Variants in STAC observed in about 807,000 individuals in gnomAD.
STAC encodes the protein SH3 and cysteine rich domain.
A neutral mutation model predicts 48.8 loss-of-function variants in STAC; 43 were observed. That is an observed-to-expected ratio of 0.88 (90% CI 0.69 to 1.14). The LOEUF (loss-of-function observed/expected upper bound fraction) is 1.14, where lower values mean the gene tolerates loss of function less well. Ranked by LOEUF, STAC falls within the 50% of genes most tolerant of loss-of-function variation. The pLI is 0.00. For synonymous variants in STAC, 193 were observed against 179.5 expected (o/e 1.07, Z -0.60); for missense variants, 497 against 504.0 (o/e 0.99, Z 0.13).
At chr3:36,544,479 C>G (rs1699400338) in intron 10 of STAC, among the ~76,000 whole-genome samples, 1 of 151,648 alleles carries the variant, frequency 6.6e-6, no homozygotes, top group East Asian at 1.9e-4. Context: ...CAGGTGTCTG[C>G]ATTTATTTAT....
intron 2 of STAC, among the ~76,000 whole-genome samples, chr3:36,463,315 C>A (rs567905397): frequency 6.6e-6 from 1 of 151,982 alleles, no homozygotes. Flanking sequence ...TTAATTTCAT[C>A]CTCAGTCATT....
chr3:36,499,612 A>G (rs1698233646), intron 6 of STAC, among the ~76,000 whole-genome samples: 1 of 152,116 alleles, frequency 6.6e-6, no homozygotes, highest in Admixed American at 6.5e-5. Flanking sequence ...GTTAGGAAGG[A>G]ATCCCAATTT....
At chr3:36,422,682 A>C (rs1700476348) in intron 1 of STAC, among the ~76,000 whole-genome samples, 1 of 152,186 alleles carries the variant, frequency 6.6e-6, no homozygotes, top group African/African-American at 2.4e-5. Flanking sequence ...TTATAAACAT[A>C]TAAAAACATA....
Position 36,381,777 on chromosome 3 carries a change from G to A in STAC, c.111+1023G>A, listed in dbSNP as rs374138443. 2.6e-5 allele frequency among the ~76,000 whole-genome samples: 4 copies of A among 152,326 alleles called. No individual in the cohort carries two copies. In the South Asian group the frequency reaches 6.2e-4, roughly 24 times the overall value. ...AAATCACAGCCTGAGTGGCTCTGGG[G>A]ATTTGGTGTGATACTGGGCACTGTA... On this transcript the variant is annotated intron_variant, in intron 1 of 10. Transcript: ENST00000273183.
At chr3:36,436,588 C>T (rs959099664) in intron 1 of STAC, among the ~76,000 whole-genome samples, 3 of 152,224 alleles carry the variant, frequency 2.0e-5, no homozygotes, top group Admixed American at 6.5e-5. Context: ...CTCAAACACT[C>T]ACTGCTTACT....
At chr3:36,531,173 G>T (rs904541628) in intron 10 of STAC, among the ~76,000 whole-genome samples, 1 of 152,108 alleles carries the variant, frequency 6.6e-6, no homozygotes, top group African/African-American at 2.4e-5. Context: ...TTGGTACCAC[G>T]TATTTAGAGC....
At chr3:36,539,193 T>C (rs1699266343) in intron 10 of STAC, among the ~76,000 whole-genome samples, 3 of 152,162 alleles carry the variant, frequency 2.0e-5, no homozygotes, top group Non-Finnish European at 4.4e-5. Flanking sequence ...ACAGAATATT[T>C]TCTTTTCTTT....
At chr3:36,532,267 T>C (rs1699089893) in intron 10 of STAC, among the ~76,000 whole-genome samples, 2 of 152,356 alleles carry the variant, frequency 1.3e-5, no homozygotes, top group South Asian at 4.1e-4. Flanking sequence ...CTGGGCTCTA[T>C]GGTTTCACCC....
At chr3:36,484,700 C>T (rs553685418) in intron 3 of STAC, among the ~76,000 whole-genome samples, 1 of 152,306 alleles carries the variant, frequency 6.6e-6, no homozygotes, top group South Asian at 2.1e-4. Flanking sequence ...GCAAAGGAGG[C>T]TGCAGTGCAC....
chr3:36,430,340 CTA>C (rs896161232), intron 1 of STAC, among the ~76,000 whole-genome samples: 10 of 152,234 alleles, frequency 6.6e-5, no homozygotes, highest in African/African-American at 2.4e-4. Flanking sequence ...ATATTGAGCT[CTA>C]TGTGGAGAAG....
At chr3:36,487,785 T>C (rs1282134229) in intron 5 of STAC, among the ~76,000 whole-genome samples, 2 of 152,186 alleles carry the variant, frequency 1.3e-5, no homozygotes, top group Non-Finnish European at 2.9e-5. Context: ...ATGAAAAATG[T>C]TTCACTTCGG....
At chr3:36,479,304 T>C (rs377550700) in intron 2 of STAC, among the ~76,000 whole-genome samples, 123 of 151,620 alleles carry the variant, frequency 8.1e-4, no homozygotes, top group African/African-American at 2.9e-3. Flanking sequence ...AAATTTCATC[T>C]TCTTCTAGTT....
intron 6 of STAC, among the ~76,000 whole-genome samples, chr3:36,497,853 T>C (rs192243055): frequency 7.9e-5 from 12 of 152,128 alleles, no homozygotes; most frequent in Admixed American, 7.9e-4. Flanking sequence ...GCAAATAATA[T>C]AATAATATGA....
At chr3:36,437,284 C>G (rs1326382445) in intron 1 of STAC, among the ~76,000 whole-genome samples, 1 of 150,670 alleles carries the variant, frequency 6.6e-6, no homozygotes, top group Non-Finnish European at 1.5e-5. Context: ...GGGTATATAC[C>G]CAAAGGATTA....
chr3:36,448,349 G>T (rs1010218887), intron 2 of STAC, among the ~76,000 whole-genome samples: 1 of 151,834 alleles, frequency 6.6e-6, no homozygotes, highest in Non-Finnish European at 1.5e-5. Context: ...AGCCTCCCAA[G>T]TAGCTGGGAT....
intron 1 of STAC, among the ~76,000 whole-genome samples, chr3:36,433,532 G>A (rs1288073385): frequency 2.0e-5 from 3 of 152,176 alleles, no homozygotes; most frequent in Non-Finnish European, 2.9e-5. Context: ...ACATATTAGA[G>A]TAGGCAGTGA....
chr3:36,473,839 A>G (rs989515484), intron 2 of STAC, among the ~76,000 whole-genome samples: 3 of 152,218 alleles, frequency 2.0e-5, no homozygotes, highest in Admixed American at 6.5e-5. Flanking sequence ...CTTTTAAAAG[A>G]ATCAACAAAG....
chr3:36,468,745 C>CATATATATGTATATATATATAAAATAA (rs1170108527), intron 2 of STAC, among the ~76,000 whole-genome samples: 1 of 137,512 alleles, frequency 7.3e-6, no homozygotes, highest in Admixed American at 7.3e-5. Flanking sequence ...ATATAAAATA[C>CATATATATGTATATATATATAAAATAA]ATATATGTGT....
intron 1 of STAC, among the ~76,000 whole-genome samples, chr3:36,398,691 AAAG>A (rs1380963838): frequency 7.5e-6 from 1 of 133,144 alleles, no homozygotes. Context: ...GAAAGAAAGA[AAAG>A]AAAGAAAGAA....
Sources: allele counts gnomAD v4.1 joint callset (sites outside exome capture counted in the v4.1 genomes callset), GRCh38; gene constraint gnomAD v4.1.1; transcripts MANE v1.5; gene names NCBI Gene and HGNC (gene_info 2026-07-23, HGNC 2026-07-21).